KIAA1217: variants seen among roughly 807,000 people sequenced by gnomAD.
KIAA1217 encodes the protein KIAA1217, also known as sickle tail protein homolog.
In KIAA1217, 88 loss-of-function variants were observed where a neutral mutation model predicts 163.9. The observed-to-expected ratio is 0.54, with a 90% CI of 0.45 to 0.64. The LOEUF is 0.64. KIAA1217 is among the 30% of genes least tolerant of loss of function. The pLI is 0.00. For synonymous variants in KIAA1217, 903 were observed against 923.1 expected (o/e 0.98, Z 0.39); for missense variants, 2,372 against 2,475.0 (o/e 0.96, Z 0.88).
intron 1 of KIAA1217, among the ~76,000 whole-genome samples, chr10:23,970,733 T>C (rs1564575220): frequency 2.6e-5 from 4 of 152,198 alleles, no homozygotes; most frequent in South Asian, 4.1e-4. Flanking sequence ...ACCAACTGAA[T>C]AGACCCCTCC....
intron 1 of KIAA1217, among the ~76,000 whole-genome samples, chr10:23,890,969 T>G (rs1841392874): frequency 6.6e-6 from 1 of 152,116 alleles, no homozygotes; most frequent in Non-Finnish European, 1.5e-5. Flanking sequence ...ATAAATTTCC[T>G]TTTTACCATT....
Position 24,520,160 on chromosome 10 carries a change from T to G in KIAA1217, c.2215T>G (p.Ser739Ala), listed in dbSNP as rs778468742. ...EDFVEDLKKD[S>A]TAASRLVTLK... ...CTTTGTTGAAGACTTGAAGAAGGAC[T>G]CCACGGCAGCCAGCCGATTGGTTAC... The change falls in exon 11 of 21, where the codon TCC becomes GCC. Residue 739 changes from serine to alanine, a missense_variant. Ser to Ala is a moderately conservative substitution (Grantham distance 99). Coordinates refer to ENST00000376454, the MANE Select transcript of KIAA1217 (RefSeq NM_019590.5). The G allele has an allele frequency of 1.2e-6, 2 of 1,614,108 alleles. No individual in the cohort carries two copies. Among genetic ancestry groups the G allele is most frequent in the Non-Finnish European group, 1.7e-6 (2 of 1,180,006 alleles).
rs567548612 is a variant in KIAA1217, at chr10:24,272,422, T to C, written c.354+52513T>C. On this transcript the variant is annotated intron_variant, in intron 2 of 20. Transcript: ENST00000376454. ...CAAATAACTAAATGATGCCTGAGTT[T>C]TCATTCAGTTCTAAAACTTCTCAAC... Among the ~76,000 whole-genome samples the C allele has an allele frequency of 2.6e-5, 4 of 152,342 alleles. No homozygotes were observed. In the East Asian group the frequency reaches 7.7e-4, roughly 29 times the overall value.
chr10:23,838,707 C>T (rs1183787547), intron 1 of KIAA1217, among the ~76,000 whole-genome samples: 1 of 152,200 alleles, frequency 6.6e-6, no homozygotes, highest in East Asian at 1.9e-4. Context: ...ATGATCCACC[C>T]ACCTGAGCCT....
intron 2 of KIAA1217, among the ~76,000 whole-genome samples, chr10:24,013,171 C>A (rs940480085): frequency 2.0e-5 from 3 of 151,892 alleles, no homozygotes; most frequent in Admixed American, 2.0e-4. Context: ...TTAAAAATGG[C>A]GCCCCTAAGC....
intron 1 of KIAA1217, among the ~76,000 whole-genome samples, chr10:23,763,071 A>G (rs769572047): frequency 3.4e-4 from 51 of 152,208 alleles, no homozygotes; most frequent in Middle Eastern, 6.8e-3. Flanking sequence ...TGAAGGACCT[A>G]TTCAAGGAGA....
At chr10:24,333,822 C>A (rs1300272662) in intron 2 of KIAA1217, among the ~76,000 whole-genome samples, 5 of 152,106 alleles carry the variant, frequency 3.3e-5, no homozygotes, top group African/African-American at 9.7e-5. Context: ...GGCTTCCAGG[C>A]CAAACAAAAC....
intron 1 of KIAA1217, among the ~76,000 whole-genome samples, chr10:23,716,891 T>C (rs1443849772): frequency 6.6e-6 from 1 of 152,180 alleles, no homozygotes; most frequent in East Asian, 1.9e-4. Context: ...TCTATTGTTC[T>C]TTTGGATCCT....
At chr10:24,234,727 TAA>T (rs779015887) in intron 2 of KIAA1217, among the ~76,000 whole-genome samples, 4 of 151,790 alleles carry the variant, frequency 2.6e-5, no homozygotes, top group Non-Finnish European at 4.4e-5. Flanking sequence ...CCTAATTCGT[TAA>T]GTCTGTTTTT....
chr10:24,163,008 A>G (rs780162344), intron 2 of KIAA1217, among the ~76,000 whole-genome samples: 3 of 152,188 alleles, frequency 2.0e-5, no homozygotes, highest in Non-Finnish European at 4.4e-5. Context: ...TGGAAATGAC[A>G]TGGGAAAAAA....
At chr10:24,195,424 G>C (rs2066939131) in intron 2 of KIAA1217, among the ~76,000 whole-genome samples, 1 of 152,148 alleles carries the variant, frequency 6.6e-6, no homozygotes, top group South Asian at 2.1e-4. Context: ...GGTTGCCCAA[G>C]ACAAGGAACC....
chr10:23,835,499 T>C (rs1409782929), intron 1 of KIAA1217, among the ~76,000 whole-genome samples: 1 of 152,166 alleles, frequency 6.6e-6, no homozygotes, highest in Non-Finnish European at 1.5e-5. Flanking sequence ...GAGGCATTGA[T>C]GTTTCTGCCC....
intron 3 of KIAA1217, among the ~76,000 whole-genome samples, chr10:24,431,615 T>C (rs966354696): frequency 1.3e-5 from 2 of 152,140 alleles, no homozygotes; most frequent in Non-Finnish European, 2.9e-5. Flanking sequence ...GTTGGACTCC[T>C]CAGAAGCTGA....
intron 1 of KIAA1217, among the ~76,000 whole-genome samples, chr10:23,770,245 C>T (rs569828765): frequency 6.6e-6 from 1 of 152,330 alleles, no homozygotes; most frequent in East Asian, 1.9e-4. Flanking sequence ...CTTTCCCCTA[C>T]TTGGTGGTTA....
intron 2 of KIAA1217, among the ~76,000 whole-genome samples, chr10:24,022,736 T>A (rs1847786893): frequency 6.6e-6 from 1 of 151,672 alleles, no homozygotes; most frequent in Non-Finnish European, 1.5e-5. Context: ...AATGAATGAA[T>A]AAACTGTAGT....
At chr10:23,922,419 G>T (rs1002597742) in intron 1 of KIAA1217, among the ~76,000 whole-genome samples, 31 of 152,182 alleles carry the variant, frequency 2.0e-4, no homozygotes, top group Non-Finnish European at 7.3e-5. Context: ...TATCTAACCT[G>T]AGAAGGGGGT....
At chr10:23,739,643 G>T (rs9731339) in intron 1 of KIAA1217, among the ~76,000 whole-genome samples, 1 of 152,270 alleles carries the variant, frequency 6.6e-6, no homozygotes, top group Admixed American at 6.5e-5. Flanking sequence ...AATGTGTGGA[G>T]GAGGTATGAG....
rs571163146 is a variant in KIAA1217 at position 24,524,602 on chromosome 10, C to T, written c.2736C>T (p.His912=). The change falls in exon 13 of 21, where the codon CAC becomes CAT. Residue 912 remains histidine, a synonymous_variant. Transcript: ENST00000376454. ...ALLNPAQNLP[H]VASSPAVPQE... is the part of the protein sequence containing the mutation. ...TGAACCCTGCTCAGAACTTGCCTCA[C>T]GTGGCCAGCTCCCCAGCCGTCCCCC... The T allele has an allele frequency of 4.9e-5, 79 of 1,614,016 alleles. No homozygotes were observed. Among genetic ancestry groups the T allele is most frequent in the South Asian group, 3.7e-4 (34 of 91,086 alleles).
chr10:24,341,883 A>G (rs1318543178), intron 2 of KIAA1217, among the ~76,000 whole-genome samples: 3 of 152,184 alleles, frequency 2.0e-5, no homozygotes, highest in Non-Finnish European at 2.9e-5. Flanking sequence ...AAAAAAAGAT[A>G]GCCACATAGA....
Sources: gnomAD v4.1 joint callset for allele counts (sites outside exome capture counted in the v4.1 genomes callset) on GRCh38, gnomAD v4.1.1 for gene constraint, MANE v1.5 for transcripts, NCBI Gene and HGNC (gene_info 2026-07-23, HGNC 2026-07-21) for gene names.